Variants in SLC25A21 observed in about 807,000 individuals in gnomAD.
SLC25A21 encodes the protein mitochondrial 2-oxodicarboxylate carrier.
A neutral mutation model predicts 43.8 loss-of-function variants in SLC25A21; 47 were observed. That is an observed-to-expected ratio of 1.07 (90% CI 0.85 to 1.37). The LOEUF is 1.37. SLC25A21 is among the 40% of genes most tolerant of loss of function. The probability of loss-of-function intolerance (pLI) is 0.00; values close to 1 mark genes in which losing one functional copy is unlikely to be tolerated. For missense variants in SLC25A21, 352 were observed against 350.2 expected (o/e 1.00, Z -0.04); for synonymous variants, 131 against 121.3 (o/e 1.08, Z -0.52).
intron 1 of SLC25A21, among the ~76,000 whole-genome samples, chr14:36,970,316 A>C (rs905065423): frequency 6.6e-6 from 1 of 152,122 alleles, no homozygotes; most frequent in African/African-American, 2.4e-5. Context: ...ATAGGTGCTC[A>C]AGAAACATTT....
intron 1 of SLC25A21, among the ~76,000 whole-genome samples, chr14:36,877,947 T>C (rs754624961): frequency 1.5e-4 from 23 of 152,098 alleles, no homozygotes; most frequent in African/African-American, 5.6e-4. Flanking sequence ...ACCAATGTAC[T>C]CCATGTTTAT....
intron 7 of SLC25A21, among the ~76,000 whole-genome samples, chr14:36,687,444 G>T (rs772494558): frequency 3.3e-5 from 5 of 152,174 alleles, no homozygotes; most frequent in Non-Finnish European, 7.3e-5. Context: ...TCCTGAGGCT[G>T]CCAGATAAGG....
intron 2 of SLC25A21, among the ~76,000 whole-genome samples, chr14:36,820,955 A>G (rs1390957546): frequency 3.3e-5 from 5 of 152,252 alleles, no homozygotes; most frequent in African/African-American, 1.2e-4. Flanking sequence ...ACACATTAAA[A>G]GGATAACTGT....
intron 7 of SLC25A21, among the ~76,000 whole-genome samples, chr14:36,697,610 T>A (rs755791695): frequency 2.6e-5 from 4 of 152,210 alleles, no homozygotes; most frequent in Non-Finnish European, 5.9e-5. Flanking sequence ...TGGGTGCACA[T>A]ATACTTAGGA....
At chr14:36,919,155 A>G (rs1030338112) in intron 1 of SLC25A21, among the ~76,000 whole-genome samples, 3 of 152,096 alleles carry the variant, frequency 2.0e-5, no homozygotes, top group Admixed American at 6.6e-5. Flanking sequence ...TCCTCTCTAA[A>G]TCCTTTGAAA....
intron 1 of SLC25A21, among the ~76,000 whole-genome samples, chr14:37,143,167 A>G (rs1244723067): frequency 6.6e-6 from 1 of 152,244 alleles, no homozygotes; most frequent in Non-Finnish European, 1.5e-5. Context: ...TTACATACTG[A>G]GATTCCTTTT....
intron 1 of SLC25A21, among the ~76,000 whole-genome samples, chr14:37,022,056 T>A (rs1359707540): frequency 1.0e-5 from 1 of 99,378 alleles, no homozygotes; most frequent in Non-Finnish European, 2.4e-5. Flanking sequence ...TTCATAGGGA[T>A]TTTTTTTTTC....
chr14:36,954,306 A>C (rs1959275402), intron 1 of SLC25A21, among the ~76,000 whole-genome samples: 4 of 151,838 alleles, frequency 2.6e-5, no homozygotes, highest in Admixed American at 2.6e-4. Context: ...TGTTGTCTTT[A>C]TCCTCCCCCC....
chr14:36,745,496 C>A (rs1020111690), intron 3 of SLC25A21, among the ~76,000 whole-genome samples: 1 of 152,158 alleles, frequency 6.6e-6, no homozygotes, highest in East Asian at 1.9e-4. Flanking sequence ...CACATCGTCT[C>A]CAGCCTCTGT....
intron 2 of SLC25A21, among the ~76,000 whole-genome samples, chr14:36,840,312 C>T (rs770809758): frequency 6.6e-6 from 1 of 151,896 alleles, no homozygotes; most frequent in South Asian, 2.1e-4. Context: ...AGGGAAGAGA[C>T]TTTTTCCAAT....
intron 2 of SLC25A21, among the ~76,000 whole-genome samples, chr14:36,856,760 C>T (rs1889910881): frequency 6.6e-6 from 1 of 152,118 alleles, no homozygotes; most frequent in South Asian, 2.1e-4. Context: ...AGGAACTGGG[C>T]TTGATTGTGG....
intron 3 of SLC25A21, among the ~76,000 whole-genome samples, chr14:36,791,363 C>A (rs949601124): frequency 6.6e-6 from 1 of 152,090 alleles, no homozygotes; most frequent in Admixed American, 6.6e-5. Flanking sequence ...AAACACCCTA[C>A]CTGCTTTTTA....
At chr14:37,019,404 C>T (rs901921290) in intron 1 of SLC25A21, among the ~76,000 whole-genome samples, 21 of 151,796 alleles carry the variant, frequency 1.4e-4, no homozygotes, top group African/African-American at 5.1e-4. Flanking sequence ...TTTCTTTCTT[C>T]ACATCCTATT....
At chr14:36,700,347 C>T (rs1883225057) in intron 7 of SLC25A21, among the ~76,000 whole-genome samples, 1 of 152,162 alleles carries the variant, frequency 6.6e-6, no homozygotes, top group Admixed American at 6.6e-5. Flanking sequence ...TCCTAGTGTA[C>T]TCTGCATTTG....
chr14:36,950,820 A>G (rs1892791879), intron 1 of SLC25A21, among the ~76,000 whole-genome samples: 1 of 152,214 alleles, frequency 6.6e-6, no homozygotes, highest in Non-Finnish European at 1.5e-5. Context: ...TTCTTATTGC[A>G]CGGGAATACT....
intron 1 of SLC25A21, among the ~76,000 whole-genome samples, chr14:37,074,457 A>G (rs1962238609): frequency 6.6e-6 from 1 of 152,190 alleles, no homozygotes; most frequent in Non-Finnish European, 1.5e-5. Flanking sequence ...CAGAAGGCTG[A>G]ATTCTAAGAA....
chr14:36,856,582 G>T (rs1889904875), intron 2 of SLC25A21, among the ~76,000 whole-genome samples: 1 of 152,216 alleles, frequency 6.6e-6, no homozygotes, highest in South Asian at 2.1e-4. Flanking sequence ...GAGGCCAGTG[G>T]AAAGGGGGCC....
intron 1 of SLC25A21, among the ~76,000 whole-genome samples, chr14:37,032,550 A>C (rs550287775): frequency 2.0e-4 from 31 of 151,884 alleles, no homozygotes; most frequent in South Asian, 8.3e-4. Flanking sequence ...ACAACAACAA[A>C]AAAATGAATC....
intron 1 of SLC25A21, among the ~76,000 whole-genome samples, chr14:36,900,943 A>AT (rs1167315795): frequency 6.6e-6 from 1 of 152,220 alleles, no homozygotes; most frequent in African/African-American, 2.4e-5. Flanking sequence ...TCAATTTGGC[A>AT]TAGCATCTTG....
Sources: gnomAD v4.1 joint callset for allele counts (sites outside exome capture counted in the v4.1 genomes callset) on GRCh38, gnomAD v4.1.1 for gene constraint, MANE v1.5 for transcripts, NCBI Gene and HGNC (gene_info 2026-07-23, HGNC 2026-07-21) for gene names.